NUP210L: variants seen among roughly 807,000 people sequenced by gnomAD.
NUP210L encodes the protein nucleoporin 210 like.
A neutral mutation model predicts 208.5 loss-of-function variants in NUP210L; 74 were observed. The observed-to-expected ratio is 0.35, with a 90% CI of 0.29 to 0.43. NUP210L has a LOEUF of 0.43. Ranked by LOEUF, NUP210L falls within the 20% of genes least tolerant of loss-of-function variation. NUP210L has a pLI of 1.00. For synonymous variants in NUP210L, 780 were observed against 816.9 expected (o/e 0.95, Z 0.77); for missense variants, 1,843 against 2,289.4 (o/e 0.81, Z 3.98).
intron 25 of NUP210L, among the ~76,000 whole-genome samples, chr1:154,053,526 G>A (rs918247835): frequency 1.3e-5 from 2 of 152,194 alleles, no homozygotes; most frequent in Admixed American, 6.5e-5. Context: ...TGATGCCCAC[G>A]CTGAAGGTTG....
At chr1:154,029,842 T>C in intron 28 of NUP210L, 54 bp downstream of exon 28, 2 of 1,400,446 alleles carry the variant, frequency 1.4e-6, no homozygotes, top group Non-Finnish European at 2.0e-6. Flanking sequence ...GGTAAGAGAA[T>C]ATAACTTTCT....
At chr1:154,069,860 AC>A (rs753909953) in intron 17 of NUP210L, among the ~76,000 whole-genome samples, 4 of 152,214 alleles carry the variant, frequency 2.6e-5, no homozygotes, top group Non-Finnish European at 4.4e-5. Flanking sequence ...ACCATGGAAT[AC>A]TATGGAGCCA....
chr1:154,055,175 C>CTTTCTT (rs1025027756), intron 23 of NUP210L, among the ~76,000 whole-genome samples: 2 of 81,584 alleles, frequency 2.5e-5, no homozygotes, highest in African/African-American at 4.0e-5. Context: ...TTCTTTCTTT[C>CTTTCTT]TTTCTTTCTT....
chr1:154,045,908 C>T (rs1653148013), intron 27 of NUP210L, among the ~76,000 whole-genome samples, 161 bp downstream of exon 27: 1 of 152,142 alleles, frequency 6.6e-6, no homozygotes, highest in Non-Finnish European at 1.5e-5. Flanking sequence ...TCACTTTAGC[C>T]TAGGAGGTGG....
At chr1:154,006,817 CAT>C (rs376666558) in intron 35 of NUP210L, among the ~76,000 whole-genome samples, 3,185 of 114,506 alleles carry the variant, frequency 0.028, 146 homozygotes, top group African/African-American at 0.097. Context: ...CTTACCATGC[CAT>C]ATATATATAT....
chr1:154,120,494 G>A (rs943829695), intron 10 of NUP210L, among the ~76,000 whole-genome samples: 4 of 151,940 alleles, frequency 2.6e-5, no homozygotes, highest in Non-Finnish European at 5.9e-5. Flanking sequence ...GGGGGAGGGG[G>A]GAAGGATAGC....
chr1:154,006,962 ATATATT>A (rs1395856893), intron 35 of NUP210L, among the ~76,000 whole-genome samples: 3 of 116,000 alleles, frequency 2.6e-5, no homozygotes, highest in Admixed American at 2.2e-4. Flanking sequence ...ATATATATAT[ATATATT>A]TTTTTTTTTT....
chr1:154,032,396 T>G (rs1332683499), intron 27 of NUP210L, among the ~76,000 whole-genome samples: 1 of 152,216 alleles, frequency 6.6e-6, no homozygotes, highest in Non-Finnish European at 1.5e-5. Flanking sequence ...TATAAGCCAT[T>G]TTAACTGGGG....
intron 17 of NUP210L, among the ~76,000 whole-genome samples, chr1:154,068,397 C>G (rs1266379454): frequency 6.6e-6 from 1 of 152,078 alleles, no homozygotes; most frequent in East Asian, 1.9e-4. Flanking sequence ...AAAGCTGAAA[C>G]TGGGTGGGGT....
At chr1:154,141,941 C>T (rs140746000) in intron 3 of NUP210L, among the ~76,000 whole-genome samples, 2,034 of 152,122 alleles carry the variant, frequency 0.013, 44 homozygotes, top group African/African-American at 0.045. Context: ...GCAGGAGGAT[C>T]GCTGGAACCC....
intron 1 of NUP210L, 39 bp from the exon 2 acceptor site, chr1:154,152,911 G>C (rs766411299): frequency 6.3e-7 from 1 of 1,597,440 alleles, no homozygotes. Flanking sequence ...AAATAGGTGG[G>C]TTAAAATTAA....
At chr1:154,153,332 G>A (rs1659494617) in intron 1 of NUP210L, among the ~76,000 whole-genome samples, 1 of 152,060 alleles carries the variant, frequency 6.6e-6, no homozygotes, top group Non-Finnish European at 1.5e-5. Flanking sequence ...ATGTTTTTGA[G>A]ACCGAGTCAC....
At chr1:154,058,090 T>C in exon 22 of NUP210L, 1 of 1,614,072 alleles carries the variant, frequency 6.2e-7, no homozygotes, top group South Asian at 1.1e-5. Context: ...GGTACTTACG[T>C]CAGGGTGACA....
intron 12 of NUP210L, chr1:154,104,493 C>A (rs949337510): frequency 3.3e-5 from 12 of 361,152 alleles, no homozygotes; most frequent in African/African-American, 2.5e-4. Context: ...CAGGCAGTGG[C>A]AGCAGCCACA....
At chr1:154,106,017 T>G (rs1164523148) in intron 12 of NUP210L, among the ~76,000 whole-genome samples, 1 of 151,968 alleles carries the variant, frequency 6.6e-6, no homozygotes, top group Non-Finnish European at 1.5e-5. Flanking sequence ...TCCCAACACT[T>G]TGGGAGGCCG....
chr1:154,005,144 C>T (rs927325259), intron 35 of NUP210L, among the ~76,000 whole-genome samples: 1 of 151,982 alleles, frequency 6.6e-6, no homozygotes, highest in Non-Finnish European at 1.5e-5. Flanking sequence ...AGCCACCGTG[C>T]CCGGCCTCCT....
In NUP210L at chr1:154,133,210, C is replaced by T. The variant is rs78067661; in HGVS notation, c.1009+2604G>A. Among the ~76,000 whole-genome samples the T allele has an allele frequency of 3.5e-3, 526 of 152,298 alleles. 5 individuals are homozygous for T. In the East Asian group the frequency reaches 0.042, roughly 12 times the overall value. ...TCCCTAGAAGTCTTTCACCAATTAT[C>T]CACATGGCTTATTGTGCCAGTGTCG... On this transcript the variant is annotated intron_variant, in intron 7 of 39. Coordinates refer to ENST00000368559, the Ensembl canonical transcript of NUP210L.
intron 27 of NUP210L, among the ~76,000 whole-genome samples, chr1:154,042,254 T>C (rs1652926124): frequency 6.6e-6 from 1 of 151,952 alleles, no homozygotes. Context: ...TGCATGCCAC[T>C]ATGCCTGGCT....
intron 13 of NUP210L, 92 bp from the exon 14 acceptor site, chr1:154,100,235 A>G: frequency 2.5e-6 from 3 of 1,188,612 alleles, no homozygotes; most frequent in East Asian, 2.4e-5. Flanking sequence ...AGATTGCTTG[A>G]GCTCCGAAGT....
Sources: gnomAD v4.1 joint callset for allele counts (sites outside exome capture counted in the v4.1 genomes callset) on GRCh38, gnomAD v4.1.1 for gene constraint, MANE v1.5 for transcripts, NCBI Gene and HGNC (gene_info 2026-07-23, HGNC 2026-07-21) for gene names.